ANO3: variants seen among roughly 807,000 people sequenced by gnomAD.
The protein encoded by ANO3 is anoctamin-3.
ANO3 carries 99 observed loss-of-function variants against 144.8 expected under a neutral mutation model. That is an observed-to-expected ratio of 0.68 (90% CI 0.58 to 0.81). The LOEUF is 0.81. Among genes scored for constraint, ANO3 ranks in the 30% least tolerant of loss-of-function variants. The pLI is 0.00. For missense variants in ANO3, 905 were observed against 1,202.2 expected (o/e 0.75, Z 3.66); for synonymous variants, 414 against 392.6 (o/e 1.05, Z -0.64).
intron 22 of ANO3, 146 bp from the exon 23 acceptor site, chr11:26,643,036 T>G: frequency 8.7e-6 from 6 of 690,214 alleles, no homozygotes; most frequent in African/African-American, 1.8e-5. Flanking sequence ...TTAACATATA[T>G]GAAATAAGGT....
chr11:26,421,924 A>G (rs548252103), intron 1 of ANO3, among the ~76,000 whole-genome samples: 2 of 152,160 alleles, frequency 1.3e-5, no homozygotes, highest in South Asian at 2.1e-4. Context: ...ATAGAGGGGA[A>G]CAACACACAC....
intron 1 of ANO3, among the ~76,000 whole-genome samples, chr11:26,296,281 A>G (rs1157693529): frequency 6.6e-6 from 1 of 152,204 alleles, no homozygotes; most frequent in Admixed American, 6.5e-5. Context: ...GCAGTTTTTT[A>G]TCAATCTCCA....
chr11:26,333,267 T>G (rs948226676), intron 1 of ANO3, among the ~76,000 whole-genome samples: 3 of 145,814 alleles, frequency 2.1e-5, no homozygotes, highest in African/African-American at 5.0e-5. Flanking sequence ...AACAGTTGTT[T>G]TTATGTAGCT....
chr11:26,461,169 G>T (rs1859382103), intron 3 of ANO3, among the ~76,000 whole-genome samples: 1 of 152,078 alleles, frequency 6.6e-6, no homozygotes, highest in Non-Finnish European at 1.5e-5. Flanking sequence ...GGGGAGAAAG[G>T]ATTGGCAAGG....
chr11:26,392,713 A>G (rs1362151081), intron 1 of ANO3, among the ~76,000 whole-genome samples: 1 of 152,118 alleles, frequency 6.6e-6, no homozygotes, highest in Admixed American at 6.6e-5. Context: ...AGGAATTGGC[A>G]TTACGTTTTT....
Position 26,641,892 on chromosome 11 carries a change from G to A in ANO3, c.2142-4G>A, listed in dbSNP as rs766641751. 1.2e-6 allele frequency: 2 copies of A among 1,613,854 alleles called. No homozygotes were observed. The highest frequency in any genetic ancestry group is 1.7e-6 in the Non-Finnish European group (2 of 1,179,874). On this transcript the variant is annotated splice_polypyrimidine_tract_variant and splice_region_variant and intron_variant, in intron 21 of 26. Coordinates refer to ENST00000256737, the MANE Select transcript of ANO3 (RefSeq NM_031418.4). Reference sequence around the variant, plus strand: ...AAAAGTCCTTGGTCTGCTCTGTGATGTAGGTTGATCCAGAACTGGTGGTCA... The same window carrying A: ...AAAAGTCCTTGGTCTGCTCTGTGATATAGGTTGATCCAGAACTGGTGGTCA...
chr11:26,340,174 A>C, intron 1 of ANO3, among the ~76,000 whole-genome samples: 1 of 132,440 alleles, frequency 7.6e-6, no homozygotes, highest in South Asian at 2.2e-4. Flanking sequence ...ATAACTCCTA[A>C]AGTTGTGTAT....
At chr11:26,414,105 G>A (rs918605009) in intron 1 of ANO3, among the ~76,000 whole-genome samples, 7 of 152,062 alleles carry the variant, frequency 4.6e-5, no homozygotes, top group African/African-American at 1.4e-4. Flanking sequence ...TGCTGGCAAG[G>A]CTGTGAAGAA....
intron 1 of ANO3, among the ~76,000 whole-genome samples, chr11:26,377,615 T>G (rs946967270): frequency 3.3e-5 from 5 of 151,914 alleles, no homozygotes; most frequent in African/African-American, 9.7e-5. Context: ...AAAAGAAAAA[T>G]GGAGACAATG....
At chr11:26,279,889 C>T (rs990216886) in intron 1 of ANO3, among the ~76,000 whole-genome samples, 5 of 152,110 alleles carry the variant, frequency 3.3e-5, no homozygotes, top group African/African-American at 1.2e-4. Flanking sequence ...AATACTTGCT[C>T]TTATTAATGA....
chr11:26,375,545 A>G (rs1298289088), intron 1 of ANO3, among the ~76,000 whole-genome samples: 1 of 152,214 alleles, frequency 6.6e-6, no homozygotes, highest in East Asian at 1.9e-4. Context: ...ATTGTTGGCT[A>G]CAACACTTAA....
intron 3 of ANO3, among the ~76,000 whole-genome samples, chr11:26,452,745 C>T (rs1316384838): frequency 6.6e-6 from 1 of 152,074 alleles, no homozygotes; most frequent in African/African-American, 2.4e-5. Flanking sequence ...CAAAGATACT[C>T]CTCGAGAAGA....
chr11:26,308,545 AT>A, upstream of ANO3, among the ~76,000 whole-genome samples: 2 of 152,360 alleles, frequency 1.3e-5, no homozygotes, highest in Admixed American at 1.3e-4. Flanking sequence ...CATAAAACTA[AT>A]TTTATTCAAT....
At chr11:26,467,155 T>C (rs1859628563) in intron 4 of ANO3, among the ~76,000 whole-genome samples, 1 of 151,964 alleles carries the variant, frequency 6.6e-6, no homozygotes, top group South Asian at 2.1e-4. Flanking sequence ...TTTTAAACAG[T>C]TTAATTTTTC....
At chr11:26,500,663 T>A (rs1861156383) in intron 4 of ANO3, among the ~76,000 whole-genome samples, 1 of 152,116 alleles carries the variant, frequency 6.6e-6, no homozygotes, top group African/African-American at 2.4e-5. Context: ...TTTTTATTGT[T>A]GAGTTATAAG....
At chr11:26,274,550 C>A (rs1351092640) in intron 1 of ANO3, among the ~76,000 whole-genome samples, 1 of 152,052 alleles carries the variant, frequency 6.6e-6, no homozygotes, top group Non-Finnish European at 1.5e-5. Context: ...CATAACTTTG[C>A]CTCATGTGAC....
chr11:26,579,056 G>A (rs188431707), intron 14 of ANO3, among the ~76,000 whole-genome samples: 2 of 152,230 alleles, frequency 1.3e-5, no homozygotes, highest in African/African-American at 2.4e-5. Context: ...TTTTTACATG[G>A]ACTTAACTTA....
At chr11:26,421,644 A>G (rs1857755221) in intron 1 of ANO3, among the ~76,000 whole-genome samples, 1 of 152,040 alleles carries the variant, frequency 6.6e-6, no homozygotes, top group Admixed American at 6.6e-5. Context: ...TTTACTTGGT[A>G]GGCTTTATCA....
intron 1 of ANO3, among the ~76,000 whole-genome samples, chr11:26,314,369 T>G (rs1854573725): frequency 6.6e-6 from 1 of 152,210 alleles, no homozygotes; most frequent in Non-Finnish European, 1.5e-5. Flanking sequence ...ATTACTGATC[T>G]TATAAAGATA....
Sources: allele counts gnomAD v4.1 joint callset (sites outside exome capture counted in the v4.1 genomes callset), GRCh38; gene constraint gnomAD v4.1.1; transcripts MANE v1.5; gene names NCBI Gene and HGNC (gene_info 2026-07-23, HGNC 2026-07-21).